Variants in FHAD1 observed in about 807,000 individuals in gnomAD.
FHAD1 encodes the protein forkhead-associated domain-containing protein 1.
In FHAD1, 146 loss-of-function variants were observed where a neutral mutation model predicts 191.3. The ratio of observed to expected loss-of-function variants is 0.76; its 90% confidence interval spans 0.67 to 0.88. The LOEUF is 0.88. FHAD1 is among the 40% of genes least tolerant of loss of function. The pLI is 0.00. For synonymous variants in FHAD1, 616 were observed against 672.3 expected, an observed-to-expected ratio of 0.92 and a Z score of 1.29; for missense variants, 1,635 against 1,785.8, an observed-to-expected ratio of 0.92 and a Z score of 1.52.
intron 3 of FHAD1, among the ~76,000 whole-genome samples, chr1:15,285,232 C>G (rs1268073306): frequency 6.6e-6 from 1 of 152,154 alleles, no homozygotes; most frequent in Non-Finnish European, 1.5e-5. Flanking sequence ...AATCAACATG[C>G]TTTCAAAAAA....
intron 5 of FHAD1, among the ~76,000 whole-genome samples, chr1:15,298,788 C>T (rs756781184): frequency 5.3e-5 from 8 of 152,174 alleles, no homozygotes; most frequent in Non-Finnish European, 1.0e-4. Flanking sequence ...GATCCAACCA[C>T]GTTTCTAAAT....
chr1:15,382,176 G>A lies in FHAD1; in HGVS notation c.4171G>A (p.Ala1391Thr). ...QLCQEKRINR[A>T]IRQQKESVEE... ...GTGCCAGGAGAAGAGGATCAACAGG[G>A]CCATCCGGCAGCAGAAGGTGAGGCG... Residue 1391 changes from alanine (A) to threonine (T), a missense_variant, in exon 31 of 34, where the codon GCC becomes ACC. Physicochemically the swap from Ala to Thr is moderately conservative, Grantham distance 58. Transcript: ENST00000688493. The A allele has an allele frequency of 1.9e-6, 3 of 1,551,410 alleles. No homozygotes were observed. The highest frequency in any genetic ancestry group is 1.2e-5 in the South Asian group (1 of 84,038).
At chr1:15,350,472 G>A (rs1046629268) in intron 19 of FHAD1, among the ~76,000 whole-genome samples, 5 of 152,214 alleles carry the variant, frequency 3.3e-5, no homozygotes, top group Admixed American at 6.5e-5. Flanking sequence ...GGAGGTAGAC[G>A]GGGGAGACTG....
intron 21 of FHAD1, among the ~76,000 whole-genome samples, chr1:15,359,695 A>G (rs1389409290): frequency 6.6e-6 from 1 of 152,132 alleles, no homozygotes; most frequent in Non-Finnish European, 1.5e-5. Context: ...TAAAAAAAAA[A>G]TACAAAAATT....
chr1:15,339,460 T>G, intron 14 of FHAD1, 21 bp from the exon 15 acceptor site: 1 of 1,166,316 alleles, frequency 8.6e-7, no homozygotes, highest in South Asian at 1.4e-5. Context: ...CTTACATTCT[T>G]CCTGCTTCTC....
At chr1:15,379,731 G>A (rs1454348547) in intron 28 of FHAD1, among the ~76,000 whole-genome samples, 1 of 152,234 alleles carries the variant, frequency 6.6e-6, no homozygotes, top group Non-Finnish European at 1.5e-5. Context: ...AGGGAGTGGT[G>A]ATGACTCTTA....
chr1:15,269,202 A>G (rs1347820100), intron 2 of FHAD1, among the ~76,000 whole-genome samples: 3 of 151,992 alleles, frequency 2.0e-5, no homozygotes, highest in Non-Finnish European at 4.4e-5. Flanking sequence ...TCTTCTGTCT[A>G]TGTTAGGCTT....
chr1:15,321,183 T>G (rs1040627632), intron 10 of FHAD1, among the ~76,000 whole-genome samples: 1 of 152,214 alleles, frequency 6.6e-6, no homozygotes, highest in Non-Finnish European at 1.5e-5. Flanking sequence ...CTGCCCACCT[T>G]GGCCTCCCAA....
chr1:15,338,819 T>C (rs1685330755), intron 14 of FHAD1, among the ~76,000 whole-genome samples: 1 of 152,124 alleles, frequency 6.6e-6, no homozygotes, highest in Non-Finnish European at 1.5e-5. Context: ...TCACTGCATG[T>C]TTCCAGCAGG....
At chr1:15,360,785 T>C (rs1407647772) in intron 22 of FHAD1, 82 bp downstream of exon 22, 2 of 1,156,778 alleles carry the variant, frequency 1.7e-6, no homozygotes, top group East Asian at 5.1e-5. Context: ...GGCTGATGGC[T>C]AAGAAAAAGG....
chr1:15,374,708 A>ACTAC (rs1699064496), intron 27 of FHAD1, 77 bp downstream of exon 27: 4 of 1,519,206 alleles, frequency 2.6e-6, no homozygotes. Context: ...GTTTGCCAGG[A>ACTAC]CTACCATGTT....
chr1:15,362,790 C>T, intron 23 of FHAD1, 64 bp downstream of exon 23: 1 of 1,290,992 alleles, frequency 7.7e-7, no homozygotes, highest in South Asian at 1.3e-5. Context: ...TGGGGGCAAA[C>T]AGGCAACCAG....
At chr1:15,364,237 A>G (rs1305413580) in intron 23 of FHAD1, 1 of 156,232 alleles carries the variant, frequency 6.4e-6, no homozygotes, top group African/African-American at 2.4e-5. Flanking sequence ...TCTGATGATC[A>G]CCAGTCTTTT....
intron 2 of FHAD1, among the ~76,000 whole-genome samples, chr1:15,271,690 A>T (rs2101242613): frequency 6.6e-6 from 1 of 152,358 alleles, no homozygotes; most frequent in African/African-American, 2.4e-5. Context: ...GTAGGGTGTG[A>T]TTAATTTTGT....
intron 3 of FHAD1, among the ~76,000 whole-genome samples, chr1:15,273,007 T>G (rs2101316161): frequency 6.6e-6 from 1 of 152,194 alleles, no homozygotes; most frequent in Admixed American, 6.5e-5. Flanking sequence ...TCTTAACACA[T>G]AAGCGCCTGA....
intron 33 of FHAD1, among the ~76,000 whole-genome samples, chr1:15,392,614 G>A (rs1156353415): frequency 6.6e-6 from 1 of 152,160 alleles, no homozygotes; most frequent in African/African-American, 2.4e-5. Context: ...GAGTCCTTAA[G>A]GTGATGGAGT....
intron 9 of FHAD1, among the ~76,000 whole-genome samples, chr1:15,317,188 C>T (rs1185358650): frequency 6.6e-6 from 1 of 152,020 alleles, no homozygotes; most frequent in African/African-American, 2.4e-5. Flanking sequence ...GAGACTCTGT[C>T]TCAAAAAAAG....
At position 15,350,973 on chromosome 1, in the gene FHAD1, G is replaced by A. The variant is rs185812182; in HGVS notation, c.2454+1824G>A. Among the ~76,000 whole-genome samples the A allele has an allele frequency of 1.1e-4, 17 of 152,304 alleles. No homozygotes were observed. In the East Asian group the frequency reaches 2.5e-3, roughly 22 times the overall value. ...CCCCCAGAGCCTCCCTTATACATACGAGCCAGGGATGGGGTCCTGAAGCTC... is the reference window on the plus strand; with the variant it reads ...CCCCCAGAGCCTCCCTTATACATACAAGCCAGGGATGGGGTCCTGAAGCTC... On this transcript the variant is annotated intron_variant, in intron 19 of 33. Transcript: ENST00000688493.
Position 15,317,943 on chromosome 1 carries a change from A to G in FHAD1, c.1365+15A>G, listed in dbSNP as rs1478445995. On this transcript the variant is annotated intron_variant, in intron 10 of 33. Transcript: ENST00000688493. ...AAAAAAGCAAGGTACGTAGTGGACAACAGGCCCAGAGAGTGGTGTGGGCGG... is the reference window on the plus strand; with the variant it reads ...AAAAAAGCAAGGTACGTAGTGGACAGCAGGCCCAGAGAGTGGTGTGGGCGG... 2.6e-6 allele frequency: 4 copies of G among 1,514,410 alleles called. No homozygotes were observed. The highest frequency in any genetic ancestry group is 2.4e-5 in the South Asian group (2 of 83,320). The allele number at this position is 1,514,410 out of a possible 1,614,324, so 93.8% of individuals were successfully genotyped here. A position where few individuals can be genotyped will look rare whatever the true frequency, so the allele number is the denominator to read the frequency against.
Sources: allele counts gnomAD v4.1 joint callset (sites outside exome capture counted in the v4.1 genomes callset), GRCh38; gene constraint gnomAD v4.1.1; transcripts MANE v1.5; gene names NCBI Gene and HGNC (gene_info 2026-07-23, HGNC 2026-07-21).